The following PARVB variants were observed in gnomAD, a reference collection of about 807,000 sequenced individuals.
PARVB encodes parvin beta.
A neutral mutation model predicts 47.0 loss-of-function variants in PARVB; 46 were observed. The observed-to-expected ratio is 0.98, with a 90% CI of 0.77 to 1.25. The LOEUF is 1.25. Ranked by LOEUF, PARVB falls within the 50% of genes most tolerant of loss-of-function variation. The pLI, the probability that PARVB is intolerant of heterozygous loss-of-function variation, is 0.00. For missense variants in PARVB, 473 were observed against 471.6 expected (o/e 1.00, Z -0.03); for synonymous variants, 196 against 196.3 (o/e 1.00, Z 0.01).
chr22:44,158,954 G>T (rs2053993952), intron 11 of PARVB, among the ~76,000 whole-genome samples: 1 of 152,218 alleles, frequency 6.6e-6, no homozygotes, highest in African/African-American at 2.4e-5. Flanking sequence ...CCCACTTCTG[G>T]CACGTTGCAG....
chr22:44,104,093 G>A (rs1353106893), intron 3 of PARVB: 2 of 152,218 alleles, frequency 1.3e-5, no homozygotes. Context: ...GGCCACTGGG[G>A]CCAGGCAGGG....
intron 1 of PARVB, among the ~76,000 whole-genome samples, chr22:44,029,173 T>TG (rs1302460163): frequency 6.6e-6 from 1 of 151,978 alleles, no homozygotes; most frequent in African/African-American, 2.4e-5. Flanking sequence ...TTTGTAGAGA[T>TG]GGGGTCTCGC....
chr22:44,131,460 C>T (rs773288233), intron 4 of PARVB, 27 bp from the exon 5 acceptor site: 2 of 1,609,504 alleles, frequency 1.2e-6, no homozygotes, highest in Admixed American at 1.7e-5. Flanking sequence ...TTTTTCTGAC[C>T]CTCTTCTCTT....
chr22:44,123,558 T>G (rs1281285444), intron 4 of PARVB, among the ~76,000 whole-genome samples: 1 of 152,152 alleles, frequency 6.6e-6, no homozygotes, highest in Non-Finnish European at 1.5e-5. Context: ...AGAGTACAGG[T>G]GCATGCCACC....
At position 44,102,125 on chromosome 22, in the gene PARVB, G is replaced by A. The variant is rs191607546; in HGVS notation, c.273+2002G>A. On this transcript the variant is annotated intron_variant, in intron 3 of 12. Transcript: ENST00000338758. ...GCCAGTGGTAGAGATGCCAGCCTGCGTCTGCAGCCCTGAGTACCGGGAACA... is the reference window on the plus strand; with the variant it reads ...GCCAGTGGTAGAGATGCCAGCCTGCATCTGCAGCCCTGAGTACCGGGAACA... Among the ~76,000 whole-genome samples the A allele has an allele frequency of 1.1e-4, 17 of 152,348 alleles. 1 individual carries two copies. Among genetic ancestry groups the A allele is most frequent in the African/African-American group, 3.4e-4 (14 of 41,582 alleles).
Position 44,146,859 on chromosome 22 carries a change from C to T in PARVB, c.713-1002C>T, listed in dbSNP as rs148707764. 405 of 152,604 alleles carry T rather than the reference C, an allele frequency of 2.7e-3. 3 individuals carry two copies. Among genetic ancestry groups the T allele is most frequent in the Middle Eastern group, 0.02 (6 of 296 alleles). The allele number at this position is 152,604 out of a possible 1,614,324, so 9.5% of individuals were successfully genotyped here. On this transcript the variant is annotated intron_variant, in intron 8 of 12. Coordinates refer to ENST00000338758, the MANE Select transcript of PARVB (RefSeq NM_013327.5). Reference sequence around the variant, plus strand: ...GGTAAAAGAGGGTCTCTCTGCTGGGCTTGGTCCTCTGAACATGCTCTGCCT... The same window carrying T: ...GGTAAAAGAGGGTCTCTCTGCTGGGTTTGGTCCTCTGAACATGCTCTGCCT...
At chr22:44,064,374 A>G (rs889281520) in intron 1 of PARVB, among the ~76,000 whole-genome samples, 2 of 152,216 alleles carry the variant, frequency 1.3e-5, no homozygotes, top group African/African-American at 2.4e-5. Flanking sequence ...GAAGGAGCTC[A>G]GAGCAGGAAA....
At chr22:44,157,361 A>T (rs891906784) in intron 10 of PARVB, among the ~76,000 whole-genome samples, 3 of 152,222 alleles carry the variant, frequency 2.0e-5, no homozygotes, top group Admixed American at 2.0e-4. Context: ...CCCTGGGGTC[A>T]GGAGTGGGGG....
intron 2 of PARVB, among the ~76,000 whole-genome samples, chr22:44,099,467 TAGAGAAATAGAA>T (rs1029100993): frequency 6.6e-6 from 1 of 151,834 alleles, no homozygotes; most frequent in African/African-American, 2.4e-5. Flanking sequence ...AGCAAACAGG[TAGAGAAATAGAA>T]AGAGGGTGAG....
At chr22:44,003,273 T>C (rs2050430864) in intron 2 of PARVB, among the ~76,000 whole-genome samples, 1 of 152,220 alleles carries the variant, frequency 6.6e-6, no homozygotes, top group Non-Finnish European at 1.5e-5. Context: ...TTTGATCTTA[T>C]TATCATAGCC....
chr22:44,091,647 C>T (rs1355046147), intron 1 of PARVB, among the ~76,000 whole-genome samples: 2 of 152,134 alleles, frequency 1.3e-5, no homozygotes, highest in Admixed American at 6.5e-5. Flanking sequence ...TAGCCTGGTC[C>T]GAATGTCCTT....
chr22:44,168,521 T>G, intron 12 of PARVB, 81 bp from the exon 13 acceptor site: 2 of 901,844 alleles, frequency 2.2e-6, no homozygotes, highest in Non-Finnish European at 3.8e-6. Context: ...GGTGTCATGC[T>G]GGAGACGTGG....
chr22:44,056,876 T>A (rs182320263), intron 1 of PARVB, among the ~76,000 whole-genome samples: 11 of 150,206 alleles, frequency 7.3e-5, no homozygotes, highest in African/African-American at 2.7e-4. Context: ...ATAAAATGTC[T>A]GGAAATGGCA....
intron 1 of PARVB, among the ~76,000 whole-genome samples, chr22:44,045,160 G>A (rs1332291471): frequency 6.6e-6 from 1 of 152,006 alleles, no homozygotes; most frequent in Non-Finnish European, 1.5e-5. Context: ...GCTTTCAGGT[G>A]GGAGGATCGC....
intron 2 of PARVB, among the ~76,000 whole-genome samples, chr22:44,018,637 C>A (rs912175333): frequency 1.6e-4 from 25 of 152,172 alleles, no homozygotes; most frequent in African/African-American, 5.8e-4. Flanking sequence ...CTCAGCACCC[C>A]TTTTGTCGAA....
intron 1 of PARVB, among the ~76,000 whole-genome samples, chr22:44,074,925 T>A (rs1200755296): frequency 6.6e-6 from 1 of 152,206 alleles, no homozygotes; most frequent in Non-Finnish European, 1.5e-5. Flanking sequence ...TGGGAGCTCC[T>A]GGGACTCCTG....
At chr22:44,088,502 C>T (rs1015077121) in intron 1 of PARVB, among the ~76,000 whole-genome samples, 25 of 152,232 alleles carry the variant, frequency 1.6e-4, no homozygotes, top group Middle Eastern at 6.8e-3. Flanking sequence ...GACGGAGTCT[C>T]GCTGTGTTGC....
chr22:44,150,167 G>GAAACAAAACAAAACA (rs60712968), intron 9 of PARVB: 10 of 150,076 alleles, frequency 6.7e-5, no homozygotes, highest in African/African-American at 2.5e-4. Context: ...AAAACAAAAC[G>GAAACAAAACAAAACA]AAACAAAACA....
chr22:44,106,248 G>A lies in PARVB; in HGVS notation c.273+6125G>A, dbSNP rs1320985056. Reference sequence around the variant, plus strand: ...GTTGGGGTAAACCTGTGGATTGGATGCTGATGTAGGTGGTCCCAGGTGCTC... The same window carrying A: ...GTTGGGGTAAACCTGTGGATTGGATACTGATGTAGGTGGTCCCAGGTGCTC... On this transcript the variant is annotated intron_variant, in intron 3 of 12. Transcript: ENST00000338758. 2.7e-5 allele frequency: 4 copies of A among 149,744 alleles called. No homozygotes were observed. The East Asian group carries it at 7.9e-4, about 29-fold the overall frequency. 9.3% of individuals were successfully genotyped at this position (149,744 alleles called of 1,614,324 possible). A position where few individuals can be genotyped will look rare whatever the true frequency, so the allele number is the denominator to read the frequency against.
Sources: allele counts gnomAD v4.1 joint callset (sites outside exome capture counted in the v4.1 genomes callset), GRCh38; gene constraint gnomAD v4.1.1; transcripts MANE v1.5; gene names NCBI Gene and HGNC (gene_info 2026-07-23, HGNC 2026-07-21).